Variants in CEP70 observed in about 807,000 individuals in gnomAD.
CEP70 encodes centrosomal protein 70.
Under a neutral mutation model 90.9 loss-of-function variants are expected in CEP70, and 70 were observed. That is an observed-to-expected ratio of 0.77 (90% CI 0.64 to 0.94). The LOEUF (loss-of-function observed/expected upper bound fraction) is 0.94, where lower values mean the gene tolerates loss of function less well. Ranked by LOEUF, CEP70 falls within the 40% of genes least tolerant of loss-of-function variation. CEP70 has a pLI of 0.00. For synonymous variants in CEP70, 220 were observed against 228.3 expected, an observed-to-expected ratio of 0.96 and a Z score of 0.33; for missense variants, 648 against 669.0, an observed-to-expected ratio of 0.97 and a Z score of 0.35.
chr3:138,556,888 G>GA, intron 6 of CEP70, among the ~76,000 whole-genome samples: 1 of 152,306 alleles, frequency 6.6e-6, no homozygotes, highest in South Asian at 2.1e-4. Flanking sequence ...AATTGCTAAT[G>GA]AAGTTTCGGG....
At chr3:138,525,298 A>C (rs971790532) in intron 11 of CEP70, among the ~76,000 whole-genome samples, 192 bp downstream of exon 11, 5 of 152,154 alleles carry the variant, frequency 3.3e-5, no homozygotes, top group African/African-American at 7.2e-5. Flanking sequence ...TAGCATTAGG[A>C]GATATACCTA....
intron 11 of CEP70, among the ~76,000 whole-genome samples, chr3:138,516,183 A>G (rs1473613842): frequency 1.3e-5 from 2 of 152,110 alleles, no homozygotes; most frequent in Non-Finnish European, 2.9e-5. Context: ...TGTAATCTCT[A>G]TGAGGTCAGG....
At chr3:138,525,454 TA>T in intron 11 of CEP70, 35 bp downstream of exon 11, 2 of 828,716 alleles carry the variant, frequency 2.4e-6, no homozygotes, top group Non-Finnish European at 1.8e-6. Context: ...TAAAAAATCC[TA>T]ATAAAAGAGG....
intron 13 of CEP70, 123 bp from the exon 14 acceptor site, chr3:138,501,004 A>G: frequency 2.9e-6 from 1 of 343,470 alleles, no homozygotes; most frequent in East Asian, 5.6e-5. Flanking sequence ...TTAATAAAAC[A>G]TAATTACACA....
At chr3:138,503,266 A>G (rs529341715) in intron 13 of CEP70, among the ~76,000 whole-genome samples, 9 of 152,322 alleles carry the variant, frequency 5.9e-5, no homozygotes, top group African/African-American at 1.9e-4. Context: ...GTGGAATCAT[A>G]TAAGTGGAAT....
chr3:138,558,778 T>C (rs911273988), intron 6 of CEP70, among the ~76,000 whole-genome samples: 8 of 152,136 alleles, frequency 5.3e-5, no homozygotes, highest in African/African-American at 9.7e-5. Context: ...ACTGTTCCTA[T>C]ACAAAGCTCA....
intron 6 of CEP70, among the ~76,000 whole-genome samples, chr3:138,566,693 G>A (rs1451868425): frequency 6.6e-6 from 1 of 151,904 alleles, no homozygotes; most frequent in Admixed American, 6.6e-5. Flanking sequence ...ATAGCATTAG[G>A]AGAAATACCT....
At chr3:138,518,033 A>G (rs934362898) in intron 11 of CEP70, among the ~76,000 whole-genome samples, 1 of 152,236 alleles carries the variant, frequency 6.6e-6, no homozygotes, top group Non-Finnish European at 1.5e-5. Context: ...CCAGGAGATT[A>G]TATCCCGCAC....
At position 138,525,528 on chromosome 3, in the gene CEP70, C is replaced by T. The variant is rs1326617631; in HGVS notation, c.906G>A (p.Gln302=). The T allele has an allele frequency of 7.0e-7, 1 of 1,423,368 alleles. No homozygotes were observed. Among genetic ancestry groups the T allele is most frequent in the South Asian group, 1.9e-5 (1 of 51,644 alleles). 88.2% of individuals were successfully genotyped at this position (1,423,368 alleles called of 1,614,324 possible). A position where few individuals can be genotyped will look rare whatever the true frequency, so the allele number is the denominator to read the frequency against. ...TQHELRLYKQ[Q]VKKLEKALKK... ...TAAGGGCTTTTTCCAGCTTCTTCAC[C>T]TGCTGTTTATAAAGTCTTAATTCAT... Residue 302 remains glutamine, a synonymous_variant, in exon 11 of 18, where the codon CAG becomes CAA. Coordinates refer to ENST00000264982, the MANE Select transcript of CEP70 (RefSeq NM_024491.4).
At chr3:138,541,956 C>T (rs537996509) in intron 6 of CEP70, among the ~76,000 whole-genome samples, 3 of 152,298 alleles carry the variant, frequency 2.0e-5, no homozygotes, top group African/African-American at 4.8e-5. Flanking sequence ...CTCAGTGTGT[C>T]GCTTCACCAG....
At chr3:138,579,071 T>A (rs930055162) in intron 2 of CEP70, among the ~76,000 whole-genome samples, 1 of 152,080 alleles carries the variant, frequency 6.6e-6, no homozygotes, top group African/African-American at 2.4e-5. Context: ...TCTGTGCACT[T>A]AGGGGAAGTA....
At chr3:138,537,428 T>C in intron 6 of CEP70, 81 bp from the exon 7 acceptor site, 1 of 908,492 alleles carries the variant, frequency 1.1e-6, no homozygotes, top group South Asian at 2.5e-5. Context: ...CACAAAGGCA[T>C]CTTCATAGTT....
intron 11 of CEP70, among the ~76,000 whole-genome samples, chr3:138,518,844 C>T (rs949972985): frequency 1.1e-4 from 17 of 152,024 alleles, no homozygotes; most frequent in Non-Finnish European, 2.1e-4. Flanking sequence ...ATGACTTTGA[C>T]GAGTTGAGAG....
intron 6 of CEP70, among the ~76,000 whole-genome samples, chr3:138,569,860 G>A (rs2041045105): frequency 6.6e-6 from 1 of 152,098 alleles, no homozygotes; most frequent in Admixed American, 6.6e-5. Flanking sequence ...AGAGCCAGAC[G>A]CTGTCTCAAA....
Position 138,591,878 on chromosome 3 carries a change from C to G in CEP70, c.-30G>C, listed in dbSNP as rs564428359. 6.7e-5 allele frequency: 101 copies of G among 1,514,914 alleles called. No individual in the cohort carries two copies. The highest frequency in any genetic ancestry group is 8.6e-5 in the Non-Finnish European group (98 of 1,137,192). The allele number at this position is 1,514,914 out of a possible 1,614,324, so 93.8% of individuals were successfully genotyped here. On this transcript the variant is annotated 5_prime_UTR_variant, in exon 2 of 18. Transcript: ENST00000264982. ...CCTCAGTCATAGCATATTACTCTTGCACTTTACACCTGGTCATTCAGGTTG... is the reference window on the plus strand; with the variant it reads ...CCTCAGTCATAGCATATTACTCTTGGACTTTACACCTGGTCATTCAGGTTG...
At chr3:138,521,250 C>A (rs560896658) in intron 11 of CEP70, among the ~76,000 whole-genome samples, 1 of 152,160 alleles carries the variant, frequency 6.6e-6, no homozygotes, top group African/African-American at 2.4e-5. Context: ...AAGTGAGGAG[C>A]GTCTCTGCCA....
chr3:138,554,549 G>A (rs1373120769), intron 6 of CEP70, among the ~76,000 whole-genome samples: 1 of 152,120 alleles, frequency 6.6e-6, no homozygotes. Flanking sequence ...CTGGCAATAT[G>A]ACTGTATACC....
chr3:138,512,043 C>G (rs887134597), intron 11 of CEP70, among the ~76,000 whole-genome samples: 19 of 152,164 alleles, frequency 1.2e-4, no homozygotes, highest in African/African-American at 4.1e-4. Context: ...TTGGACAGAT[C>G]AAGCATGTCT....
intron 6 of CEP70, among the ~76,000 whole-genome samples, chr3:138,558,605 C>T (rs1012937907): frequency 2.0e-5 from 3 of 152,280 alleles, no homozygotes; most frequent in Middle Eastern, 3.4e-3. Flanking sequence ...ACTAGAAATA[C>T]ACTAGTTTTC....
Sources: gnomAD v4.1 joint callset for allele counts (sites outside exome capture counted in the v4.1 genomes callset) on GRCh38, gnomAD v4.1.1 for gene constraint, MANE v1.5 for transcripts, NCBI Gene and HGNC (gene_info 2026-07-23, HGNC 2026-07-21) for gene names.